TNRC6A: variants seen among roughly 807,000 people sequenced by gnomAD.
The protein encoded by TNRC6A is trinucleotide repeat containing adaptor 6A, also known as trinucleotide repeat-containing gene 6A protein.
Under a neutral mutation model 221.2 loss-of-function variants are expected in TNRC6A, and 44 were observed. The ratio of observed to expected loss-of-function variants is 0.20; its 90% CI spans 0.16 to 0.26. The LOEUF (loss-of-function observed/expected upper bound fraction) is 0.26. Among genes scored for constraint, TNRC6A ranks in the 10% least tolerant of loss-of-function variants. The pLI is 1.00. For missense variants in TNRC6A, 2,199 were observed against 2,404.4 expected (o/e 0.91, Z 1.79); for synonymous variants, 847 against 838.5 (o/e 1.01, Z -0.18).
At chr16:24,672,190 C>T (rs1307754864) in intron 2 of TNRC6A, among the ~76,000 whole-genome samples, 5 of 152,082 alleles carry the variant, frequency 3.3e-5, no homozygotes, top group South Asian at 2.1e-4. Context: ...GGCGTGATCT[C>T]GGCTCACTGC....
intron 1 of TNRC6A, among the ~76,000 whole-genome samples, chr16:24,632,871 C>T (rs919923798): frequency 4.0e-5 from 6 of 151,740 alleles, no homozygotes; most frequent in African/African-American, 9.7e-5. Flanking sequence ...TAGCTGGGTG[C>T]GGTGGTGCAT....
intron 2 of TNRC6A, among the ~76,000 whole-genome samples, chr16:24,667,352 A>G (rs1283535035): frequency 6.6e-6 from 1 of 152,164 alleles, no homozygotes. Flanking sequence ...GCACATGGCA[A>G]CAACAGGGAT....
At chr16:24,627,218 A>G (rs914829083) in intron 1 of TNRC6A, among the ~76,000 whole-genome samples, 4 of 152,076 alleles carry the variant, frequency 2.6e-5, no homozygotes, top group Admixed American at 1.3e-4. Context: ...TGTGACCTGG[A>G]GCAGTCACTG....
chr16:24,667,654 C>A (rs138584356), intron 2 of TNRC6A, among the ~76,000 whole-genome samples: 1 of 152,284 alleles, frequency 6.6e-6, no homozygotes, highest in African/African-American at 2.4e-5. Context: ...ATTACCTACC[C>A]CCCAGTTGTT....
At chr16:24,633,553 C>T (rs1183605467) in intron 1 of TNRC6A, among the ~76,000 whole-genome samples, 1 of 152,180 alleles carries the variant, frequency 6.6e-6, no homozygotes, top group African/African-American at 2.4e-5. Flanking sequence ...TGCCACCACA[C>T]CCAGCTAATT....
intron 4 of TNRC6A, among the ~76,000 whole-genome samples, chr16:24,770,272 A>G (rs2057562867): frequency 6.6e-6 from 1 of 152,156 alleles, no homozygotes; most frequent in East Asian, 1.9e-4. Context: ...ATCTGGAAAA[A>G]GGTAGAGAGG....
intron 1 of TNRC6A, among the ~76,000 whole-genome samples, chr16:24,629,922 A>G (rs935262799): frequency 9.2e-5 from 14 of 151,908 alleles, no homozygotes; most frequent in African/African-American, 4.8e-5. Flanking sequence ...GCAGTGAGCT[A>G]TGATCACACC....
chr16:24,805,058 A>T lies in TNRC6A; in HGVS notation c.4029A>T (p.Gln1343His), dbSNP rs776812731. Reference protein sequence around the residue: ...SMFGVGNTAAQPRGMQQPPAQ... With the variant: ...SMFGVGNTAAHPRGMQQPPAQ... ...TTGGTGTTGGAAACACAGCAGCACA[A>T]CCCCGGGGCATGCAGCAGCCTCCAG... is the stretch of plus-strand genomic sequence containing the variant. Residue 1343 changes from glutamine (Q) to histidine (H), a missense_variant, in exon 14 of 25, where the codon CAA (glutamine) becomes CAT (histidine). Physicochemically the swap from Gln to His is conservative, Grantham distance 24. Transcript: ENST00000395799. 6.2e-7 allele frequency: 1 copy of T among 1,613,822 alleles called. No homozygotes were observed. The highest frequency in any genetic ancestry group is 1.3e-5 in the African/African-American group (1 of 74,832).
intron 2 of TNRC6A, among the ~76,000 whole-genome samples, chr16:24,648,963 T>C (rs921146121): frequency 1.3e-5 from 2 of 152,010 alleles, no homozygotes; most frequent in African/African-American, 4.8e-5. Context: ...CTTCCTACAG[T>C]TTCTTAAGCG....
chr16:24,729,663 G>C lies in TNRC6A; in HGVS notation c.-179G>C. The C allele has an allele frequency of 1.5e-6, 1 of 661,812 alleles. No individual in the cohort carries two copies. Among genetic ancestry groups the C allele is most frequent in the South Asian group, 4.9e-5 (1 of 20,274 alleles). The allele number at this position is 661,812 out of a possible 1,614,324, so 41.0% of individuals were successfully genotyped here. ...GAGTGGGGCATTCACTTCCGGTCTGGGGCCTGCGGCGGCGGCGGTGTCGGC... is the reference window on the plus strand; with the variant it reads ...GAGTGGGGCATTCACTTCCGGTCTGCGGCCTGCGGCGGCGGCGGTGTCGGC... On this transcript the variant is annotated 5_prime_UTR_variant, in exon 1 of 25. Coordinates refer to ENST00000395799, the MANE Select transcript of TNRC6A (RefSeq NM_014494.4).
chr16:24,676,047 G>A (rs2055414946), intron 2 of TNRC6A, among the ~76,000 whole-genome samples: 1 of 151,842 alleles, frequency 6.6e-6, no homozygotes, highest in African/African-American at 2.4e-5. Context: ...GCCTCCCAGA[G>A]ACTGAAATAA....
At position 24,820,296 on chromosome 16, in the gene TNRC6A, G is replaced by T; in HGVS notation, c.5238G>T (p.Thr1746=). 1 of 1,614,164 alleles carries T rather than the reference G, an allele frequency of 6.2e-7. No individual in the cohort carries two copies. Residue 1746 remains threonine, a synonymous_variant, in exon 22 of 25, where the codon ACG becomes ACT. Transcript: ENST00000395799. ...CTGGTCAGAAGCCACCCTTGTCTAC[G>T]TGGGATAATTCTCCCCTTCGTATAG... The part of the protein sequence containing the change: ...GLTGQKPPLS[T]WDNSPLRIGG...
At chr16:24,792,413 T>C (rs1026181593) in intron 6 of TNRC6A, among the ~76,000 whole-genome samples, 7 of 152,168 alleles carry the variant, frequency 4.6e-5, no homozygotes, top group African/African-American at 1.7e-4. Context: ...TCTTTGTTAA[T>C]AAAAGTTTTA....
Position 24,627,612 on chromosome 16 carries a change from T to C in TNRC6A, n.277-13272T>C, listed in dbSNP as rs112356573. On this transcript the variant is annotated intron_variant and non_coding_transcript_variant, in intron 1 of 2. Transcript: ENST00000566108. ...GAATTTCTCTACCCTGGTTCTGCCA[T>C]TGATTTGACCCCTGATGTGTTCTTA... Among the ~76,000 whole-genome samples the C allele has an allele frequency of 8.5e-3, 1,300 of 152,150 alleles. 19 individuals are homozygous for C. Among genetic ancestry groups the C allele is most frequent in the African/African-American group, 0.03 (1,231 of 41,506 alleles).
rs1009505225 is a variant in TNRC6A, at chr16:24,815,057, T to C, written c.4673-90T>C. The C allele has an allele frequency of 5.5e-5, 79 of 1,445,442 alleles. No homozygotes were observed. The African/African-American group carries it at 6.5e-4, about 12-fold the overall frequency. 89.5% of individuals were successfully genotyped at this position (1,445,442 alleles called of 1,614,324 possible). A position where few individuals can be genotyped will look rare whatever the true frequency, so the allele number is the denominator to read the frequency against. On this transcript the variant is annotated intron_variant, in intron 18 of 24. Transcript: ENST00000395799. ...CACAGCCTAGAGCCCACAGATCTAA[T>C]AGAAAGTGTTCATGCTACATTTGAA...
intron 8 of TNRC6A, 43 bp downstream of exon 8, chr16:24,794,762 A>G (rs1452594355): frequency 6.4e-7 from 1 of 1,563,444 alleles, no homozygotes; most frequent in Non-Finnish European, 8.6e-7. Context: ...TTAAATTCCA[A>G]AGGTAGTTTA....
rs912332484 is a variant in TNRC6A at position 24,825,971 on chromosome 16, C to T, written c.*2164C>T. On this transcript the variant is annotated 3_prime_UTR_variant, in exon 25 of 25. Transcript: ENST00000395799. Reference sequence around the variant, plus strand: ...CTTGCCAGGTGTGAGCTAATGTTGTCGGACACCTTACTATAAGCAAATGTT... The same window carrying T: ...CTTGCCAGGTGTGAGCTAATGTTGTTGGACACCTTACTATAAGCAAATGTT... The T allele has an allele frequency of 6.6e-6, 1 of 152,634 alleles. No homozygotes were observed. The highest frequency in any genetic ancestry group is 1.5e-5 in the Non-Finnish European group (1 of 68,050). 9.5% of individuals were successfully genotyped at this position (152,634 alleles called of 1,614,324 possible).
Position 24,825,662 on chromosome 16 carries a change from C to T in TNRC6A, c.*1855C>T, listed in dbSNP as rs1211953285. 6.5e-6 allele frequency: 1 copy of T among 152,700 alleles called. No individual in the cohort carries two copies. Among genetic ancestry groups the T allele is most frequent in the Non-Finnish European group, 1.5e-5 (1 of 68,052 alleles). The allele number at this position is 152,700 out of a possible 1,614,324, so 9.5% of individuals were successfully genotyped here. ...ACTGTAGCTTGCTCCTTCCCACCCT[C>T]TCTGAGCATCTTTGGGATCTTGTTG... is the stretch of plus-strand genomic sequence containing the variant. On this transcript the variant is annotated 3_prime_UTR_variant, in exon 25 of 25. Coordinates refer to ENST00000395799, the MANE Select transcript of TNRC6A (RefSeq NM_014494.4).
chr16:24,616,185 G>A (rs1005436562), intron 1 of TNRC6A, among the ~76,000 whole-genome samples: 5 of 151,854 alleles, frequency 3.3e-5, no homozygotes, highest in Non-Finnish European at 7.4e-5. Flanking sequence ...AATTTGCCAG[G>A]CGTGGTGGTG....
Sources: allele counts gnomAD v4.1 joint callset (sites outside exome capture counted in the v4.1 genomes callset), GRCh38; gene constraint gnomAD v4.1.1; transcripts MANE v1.5; gene names NCBI Gene and HGNC (gene_info 2026-07-23, HGNC 2026-07-21).